IGSF11: variants seen among roughly 807,000 people sequenced by gnomAD.
IGSF11 encodes the protein immunoglobulin superfamily member 11, also known as CXADR like 1.
A neutral mutation model predicts 41.0 loss-of-function variants in IGSF11; 22 were observed. The ratio of observed to expected loss-of-function variants is 0.54; its 90% CI spans 0.38 to 0.77. The LOEUF is 0.77. Among genes scored for constraint, IGSF11 ranks in the 30% least tolerant of loss-of-function variants. The probability of loss-of-function intolerance (pLI) is 0.00; values close to 1 mark genes in which losing one functional copy is unlikely to be tolerated. For synonymous variants in IGSF11, 219 were observed against 201.3 expected, an observed-to-expected ratio of 1.09 and a Z score of -0.74; for missense variants, 444 against 530.8, an observed-to-expected ratio of 0.84 and a Z score of 1.61.
intron 1 of IGSF11, among the ~76,000 whole-genome samples, chr3:119,031,843 G>GT (rs1221784411): frequency 6.6e-6 from 1 of 152,122 alleles, no homozygotes; most frequent in African/African-American, 2.4e-5. Context: ...TTTAATAATG[G>GT]TAACACTGAA....
intron 1 of IGSF11, among the ~76,000 whole-genome samples, chr3:119,018,066 G>A (rs1347905043): frequency 6.6e-6 from 1 of 151,906 alleles, no homozygotes; most frequent in Non-Finnish European, 1.5e-5. Flanking sequence ...CTTATTGACT[G>A]GTAATCTCTA....
At chr3:118,980,335 T>C (rs866368732) in intron 1 of IGSF11, among the ~76,000 whole-genome samples, 1 of 152,216 alleles carries the variant, frequency 6.6e-6, no homozygotes, top group Non-Finnish European at 1.5e-5. Flanking sequence ...TGGAAATCTA[T>C]TGACCATAAA....
intron 1 of IGSF11, among the ~76,000 whole-genome samples, chr3:119,004,015 T>C (rs190622128): frequency 1.3e-5 from 2 of 152,210 alleles, no homozygotes; most frequent in East Asian, 1.9e-4. Context: ...TTTTTATTGA[T>C]TGGAATAGGT....
At chr3:119,013,549 C>T (rs1938367384) in intron 1 of IGSF11, among the ~76,000 whole-genome samples, 1 of 152,200 alleles carries the variant, frequency 6.6e-6, no homozygotes, top group Admixed American at 6.5e-5. Context: ...TAATTGAAAA[C>T]ATAAGGCAAA....
At chr3:119,029,173 T>TACACACAC (rs66598029) in intron 1 of IGSF11, among the ~76,000 whole-genome samples, 1,781 of 111,544 alleles carry the variant, frequency 0.016, 46 homozygotes, top group African/African-American at 0.041. Context: ...TTGGGGATAA[T>TACACACAC]ACACACACAC....
intron 1 of IGSF11, among the ~76,000 whole-genome samples, chr3:118,933,837 C>A (rs1041300072): frequency 6.6e-6 from 1 of 152,086 alleles, no homozygotes; most frequent in Non-Finnish European, 1.5e-5. Context: ...TCTCAATCTG[C>A]GAATCAGTTT....
chr3:118,945,750 A>G (rs1339919438), intron 1 of IGSF11: 1 of 152,196 alleles, frequency 6.6e-6, no homozygotes, highest in Admixed American at 6.5e-5. Context: ...TAAAAAATAA[A>G]TAAAATTTTA....
At chr3:119,114,236 A>T (rs2077225527) in intron 1 of IGSF11, among the ~76,000 whole-genome samples, 1 of 152,222 alleles carries the variant, frequency 6.6e-6, no homozygotes, top group Non-Finnish European at 1.5e-5. Flanking sequence ...AGCCAGCTTG[A>T]ATTCGTCCCC....
intron 1 of IGSF11, among the ~76,000 whole-genome samples, chr3:118,979,319 T>C (rs1934460681): frequency 6.6e-6 from 1 of 152,086 alleles, no homozygotes; most frequent in African/African-American, 2.4e-5. Flanking sequence ...TAAAAGAGAA[T>C]GAGTTAGAAA....
chr3:119,045,529 T>G (rs1257842575), intron 1 of IGSF11, among the ~76,000 whole-genome samples: 2 of 151,728 alleles, frequency 1.3e-5, no homozygotes, highest in Admixed American at 6.6e-5. Flanking sequence ...AGCACAGCAG[T>G]CTGAGATCAA....
intron 1 of IGSF11, among the ~76,000 whole-genome samples, chr3:119,113,596 A>G (rs1037901994): frequency 6.6e-6 from 1 of 152,188 alleles, no homozygotes; most frequent in African/African-American, 2.4e-5. Context: ...TCTGCAAGGT[A>G]CAGCCCCCAT....
At chr3:118,910,961 C>T (rs1940194946) in intron 4 of IGSF11, among the ~76,000 whole-genome samples, 1 of 152,084 alleles carries the variant, frequency 6.6e-6, no homozygotes, top group Non-Finnish European at 1.5e-5. Context: ...CATACATTTT[C>T]ATAGCATTAA....
chr3:118,986,415 A>C (rs1935262692), intron 1 of IGSF11, among the ~76,000 whole-genome samples: 1 of 152,236 alleles, frequency 6.6e-6, no homozygotes, highest in South Asian at 2.1e-4. Flanking sequence ...TTTATTCATT[A>C]AGTGCCTCAA....
At chr3:119,000,920 C>A (rs1256013111) in intron 1 of IGSF11, among the ~76,000 whole-genome samples, 1 of 152,132 alleles carries the variant, frequency 6.6e-6, no homozygotes, top group Non-Finnish European at 1.5e-5. Context: ...AAAGTAAAAG[C>A]CAAAATCCTC....
At chr3:118,955,381 A>G (rs1356644177) in intron 1 of IGSF11, among the ~76,000 whole-genome samples, 1 of 152,062 alleles carries the variant, frequency 6.6e-6, no homozygotes, top group African/African-American at 2.4e-5. Context: ...AAAACCAAAT[A>G]TCATGTGTTC....
At chr3:118,973,014 A>G (rs1242456846) in intron 1 of IGSF11, among the ~76,000 whole-genome samples, 2 of 152,196 alleles carry the variant, frequency 1.3e-5, no homozygotes, top group African/African-American at 4.8e-5. Context: ...CAACATGGAT[A>G]TCAATTTCCT....
chr3:118,927,176 T>G (rs1942402225), intron 3 of IGSF11, among the ~76,000 whole-genome samples: 1 of 152,132 alleles, frequency 6.6e-6, no homozygotes, highest in South Asian at 2.1e-4. Context: ...ACTACTGCGG[T>G]GGGGCAAACT....
At chr3:118,958,410 T>G (rs1004142697) in intron 1 of IGSF11, among the ~76,000 whole-genome samples, 1 of 152,190 alleles carries the variant, frequency 6.6e-6, no homozygotes, top group East Asian at 1.9e-4. Flanking sequence ...GTAACTAAAT[T>G]TGTTAATTTT....
At chr3:118,974,313 C>A (rs1933812857) in intron 1 of IGSF11, among the ~76,000 whole-genome samples, 1 of 152,020 alleles carries the variant, frequency 6.6e-6, no homozygotes, top group Admixed American at 6.5e-5. Context: ...ATTTGGTGGA[C>A]ACAAGTAAGT....
Sources: gnomAD v4.1 joint callset for allele counts (sites outside exome capture counted in the v4.1 genomes callset) on GRCh38, gnomAD v4.1.1 for gene constraint, MANE v1.5 for transcripts, NCBI Gene and HGNC (gene_info 2026-07-23, HGNC 2026-07-21) for gene names.